HPSE2: variants seen among roughly 807,000 people sequenced by gnomAD.
HPSE2 encodes inactive heparanase-2.
Under a neutral mutation model 60.5 loss-of-function variants are expected in HPSE2, and 38 were observed. The ratio of observed to expected loss-of-function variants is 0.63; its 90% confidence interval spans 0.48 to 0.82. The LOEUF (loss-of-function observed/expected upper bound fraction) is 0.82, where lower values mean the gene tolerates loss of function less well. Ranked by LOEUF, HPSE2 falls within the 40% of genes least tolerant of loss-of-function variation. The pLI, the probability that HPSE2 is intolerant of heterozygous loss-of-function variation, is 0.00. For synonymous variants in HPSE2, 295 were observed against 293.2 expected (o/e 1.01, Z -0.06); for missense variants, 713 against 740.4 (o/e 0.96, Z 0.43).
At chr10:98,546,335 T>C (rs11189665) in intron 9 of HPSE2, among the ~76,000 whole-genome samples, 107,230 of 127,154 alleles carry the variant, frequency 0.84, 46,594 homozygotes, top group East Asian at 0.99. Context: ...AAAAAGAGCC[T>C]GCATCGCCAA....
At chr10:98,602,352 G>C (rs760215310) in intron 9 of HPSE2, among the ~76,000 whole-genome samples, 6 of 152,076 alleles carry the variant, frequency 3.9e-5, no homozygotes, top group Non-Finnish European at 5.9e-5. Flanking sequence ...CAGTAATTAT[G>C]AACTTACCAC....
intron 3 of HPSE2, among the ~76,000 whole-genome samples, chr10:98,951,148 A>C (rs1955345251): frequency 6.6e-6 from 1 of 152,184 alleles, no homozygotes; most frequent in African/African-American, 2.4e-5. Flanking sequence ...GCATGAGGAG[A>C]TAATCACTGG....
At chr10:99,255,905 C>T in the HPSE2 span, among the ~76,000 whole-genome samples, 2 of 152,306 alleles carry the variant, frequency 1.3e-5, no homozygotes, top group Non-Finnish European at 2.9e-5. Flanking sequence ...GTTTCACTGA[C>T]TCACAGTTCC....
intron 2 of HPSE2, among the ~76,000 whole-genome samples, chr10:99,170,731 C>T (rs1847274948): frequency 6.6e-6 from 1 of 152,188 alleles, no homozygotes; most frequent in African/African-American, 2.4e-5. Context: ...TCCAACCACA[C>T]TGATATTTTG....
chr10:98,879,850 TGC>T (rs1436462779), intron 3 of HPSE2, among the ~76,000 whole-genome samples: 2 of 116,774 alleles, frequency 1.7e-5, no homozygotes, highest in Admixed American at 9.1e-5. Context: ...GGTGTGCATG[TGC>T]GTGTGTGTGT....
intron 3 of HPSE2, among the ~76,000 whole-genome samples, chr10:98,904,746 T>A (rs1953762414): frequency 6.6e-6 from 1 of 152,046 alleles, no homozygotes; most frequent in African/African-American, 2.4e-5. Context: ...TAAAAAACAA[T>A]GGAAGAAATT....
chr10:99,267,160 C>T, the HPSE2 span, among the ~76,000 whole-genome samples: 1 of 152,022 alleles, frequency 6.6e-6, no homozygotes, highest in African/African-American at 2.4e-5. Context: ...AAGACGAAAT[C>T]CCTGAATTAC....
intron 3 of HPSE2, among the ~76,000 whole-genome samples, chr10:98,925,109 G>T (rs1252848153): frequency 6.6e-6 from 1 of 152,192 alleles, no homozygotes; most frequent in Non-Finnish European, 1.5e-5. Flanking sequence ...AGGTGAGGTG[G>T]TGTCAGTGAT....
chr10:99,306,026 G>A, the HPSE2 span, among the ~76,000 whole-genome samples: 2 of 80,336 alleles, frequency 2.5e-5, no homozygotes, highest in African/African-American at 5.2e-5. Context: ...AGACTGCTGG[G>A]GAGTAGGAGA....
At chr10:98,570,920 G>A (rs112579237) in intron 9 of HPSE2, among the ~76,000 whole-genome samples, 18 of 152,234 alleles carry the variant, frequency 1.2e-4, no homozygotes, top group African/African-American at 2.9e-4. Context: ...TTTAAAGTTC[G>A]TAGTGCTGCA....
intron 9 of HPSE2, among the ~76,000 whole-genome samples, chr10:98,585,474 T>C (rs1049171456): frequency 6.6e-6 from 1 of 151,134 alleles, no homozygotes; most frequent in Non-Finnish European, 1.5e-5. Context: ...GGTTTCACCA[T>C]TTGGCCAGGA....
chr10:99,033,604 A>G (rs916288173), intron 3 of HPSE2, among the ~76,000 whole-genome samples: 3 of 152,100 alleles, frequency 2.0e-5, no homozygotes, highest in Admixed American at 2.0e-4. Flanking sequence ...AACACGGTGA[A>G]ACCTCATCTC....
intron 9 of HPSE2, among the ~76,000 whole-genome samples, chr10:98,531,715 C>T (rs898296673): frequency 6.6e-6 from 1 of 152,066 alleles, no homozygotes; most frequent in Non-Finnish European, 1.5e-5. Context: ...GACCTCTATC[C>T]TGTGACATAA....
chr10:99,076,393 A>G (rs893569123), intron 3 of HPSE2, among the ~76,000 whole-genome samples: 3 of 151,904 alleles, frequency 2.0e-5, no homozygotes, highest in Admixed American at 1.3e-4. Context: ...GTTATTTTTC[A>G]TATTTTCTTT....
intron 6 of HPSE2, among the ~76,000 whole-genome samples, chr10:98,690,064 TCAGA>T (rs369274297): frequency 5.3e-5 from 8 of 152,342 alleles, no homozygotes; most frequent in African/African-American, 1.7e-4. Context: ...ATTTCAGGGA[TCAGA>T]CAAAGATGTG....
chr10:99,113,462 T>C (rs1342340337), intron 3 of HPSE2, among the ~76,000 whole-genome samples: 2 of 152,192 alleles, frequency 1.3e-5, no homozygotes, highest in Non-Finnish European at 2.9e-5. Context: ...ATCATTCATA[T>C]ATACATACGT....
chr10:99,128,902 A>G (rs1318988300), intron 3 of HPSE2, among the ~76,000 whole-genome samples: 1 of 152,146 alleles, frequency 6.6e-6, no homozygotes, highest in Admixed American at 6.5e-5. Flanking sequence ...TCTTCAAGAG[A>G]CTCACCTAAC....
chr10:98,637,297 T>C (rs142195290), intron 7 of HPSE2, among the ~76,000 whole-genome samples: 1 of 152,036 alleles, frequency 6.6e-6, no homozygotes, highest in Non-Finnish European at 1.5e-5. Context: ...GCCAAAAATA[T>C]CACCTATCAT....
intron 6 of HPSE2, among the ~76,000 whole-genome samples, chr10:98,668,995 A>C (rs570050416): frequency 5.9e-5 from 9 of 152,364 alleles, no homozygotes; most frequent in African/African-American, 1.9e-4. Context: ...TATGTATTCA[A>C]TAAAGGTCTA....
Sources: gnomAD v4.1 joint callset for allele counts (sites outside exome capture counted in the v4.1 genomes callset) on GRCh38, gnomAD v4.1.1 for gene constraint, MANE v1.5 for transcripts, NCBI Gene and HGNC (gene_info 2026-07-23, HGNC 2026-07-21) for gene names.